BICC1: variants seen among roughly 807,000 people sequenced by gnomAD.
The protein encoded by BICC1 is protein bicaudal C homolog 1.
BICC1 carries 43 observed loss-of-function variants against 111.0 expected under a neutral mutation model. The ratio of observed to expected loss-of-function variants is 0.39; its 90% CI spans 0.30 to 0.50. BICC1 has a LOEUF of 0.50. BICC1 is among the 20% of genes least tolerant of loss of function. The pLI is 0.88. For missense variants in BICC1, 1,091 were observed against 1,203.2 expected, an observed-to-expected ratio of 0.91 and a Z score of 1.38; for synonymous variants, 467 against 434.4, an observed-to-expected ratio of 1.07 and a Z score of -0.93.
chr10:58,542,940 A>G (rs1036813829), intron 1 of BICC1, among the ~76,000 whole-genome samples: 2 of 152,128 alleles, frequency 1.3e-5, no homozygotes, highest in Non-Finnish European at 2.9e-5. Context: ...AAGTGATGCC[A>G]CTAGGGAAAA....
chr10:58,791,335 AT>A (rs1438962902), intron 8 of BICC1, among the ~76,000 whole-genome samples: 2 of 152,244 alleles, frequency 1.3e-5, no homozygotes, highest in Admixed American at 1.3e-4. Context: ...CCTGCCAAAA[AT>A]AATGACTCAT....
At chr10:58,602,885 A>G (rs1359279488) in intron 1 of BICC1, among the ~76,000 whole-genome samples, 2 of 152,176 alleles carry the variant, frequency 1.3e-5, no homozygotes, top group Non-Finnish European at 2.9e-5. Context: ...TTGCATGTCC[A>G]CACTTACTCC....
At chr10:58,767,542 C>T (rs1437581704) in intron 3 of BICC1, among the ~76,000 whole-genome samples, 1 of 152,050 alleles carries the variant, frequency 6.6e-6, no homozygotes, top group African/African-American at 2.4e-5. Flanking sequence ...AACCCGACAC[C>T]AGCAAAAGAA....
chr10:58,777,252 T>G (rs1225254725), intron 3 of BICC1, among the ~76,000 whole-genome samples: 1 of 152,016 alleles, frequency 6.6e-6, no homozygotes, highest in Admixed American at 6.6e-5. Flanking sequence ...CACAGTGGAA[T>G]CTTAACACAA....
chr10:58,705,221 GT>G (rs1840354810), intron 3 of BICC1, among the ~76,000 whole-genome samples: 1 of 152,176 alleles, frequency 6.6e-6, no homozygotes, highest in African/African-American at 2.4e-5. Flanking sequence ...GTCAGACTGA[GT>G]TTGGGAAACA....
intron 2 of BICC1, among the ~76,000 whole-genome samples, chr10:58,697,849 C>T (rs953883635): frequency 6.6e-6 from 1 of 151,976 alleles, no homozygotes; most frequent in Non-Finnish European, 1.5e-5. Context: ...ATGCAATAAT[C>T]TAGCTCCAGT....
intron 1 of BICC1, among the ~76,000 whole-genome samples, chr10:58,551,333 CA>C (rs1286617984): frequency 6.6e-6 from 1 of 152,010 alleles, no homozygotes; most frequent in African/African-American, 2.4e-5. Flanking sequence ...CTTTAAGCTG[CA>C]AAACTTTTAT....
chr10:58,571,665 G>A (rs1305806333), intron 1 of BICC1, among the ~76,000 whole-genome samples: 1 of 152,102 alleles, frequency 6.6e-6, no homozygotes, highest in African/African-American at 2.4e-5. Flanking sequence ...CAAAAGACAT[G>A]ATCTCATTCC....
At chr10:58,777,956 A>C (rs923939132) in intron 3 of BICC1, among the ~76,000 whole-genome samples, 1 of 152,094 alleles carries the variant, frequency 6.6e-6, no homozygotes. Flanking sequence ...GTGGTAGCTC[A>C]TGCCTGTAAT....
At chr10:58,539,266 C>A (rs1158078387) in intron 1 of BICC1, among the ~76,000 whole-genome samples, 1 of 151,646 alleles carries the variant, frequency 6.6e-6, no homozygotes, top group Non-Finnish European at 1.5e-5. Flanking sequence ...GGCTATTATT[C>A]TAAGTGAAGT....
chr10:58,695,395 T>G (rs921861039), intron 2 of BICC1, among the ~76,000 whole-genome samples: 2 of 152,170 alleles, frequency 1.3e-5, no homozygotes, highest in African/African-American at 4.8e-5. Context: ...CAGACCTTAT[T>G]TCTCTATTAA....
At chr10:58,753,038 G>T (rs1239816523) in intron 3 of BICC1, among the ~76,000 whole-genome samples, 1 of 152,192 alleles carries the variant, frequency 6.6e-6, no homozygotes, top group African/African-American at 2.4e-5. Flanking sequence ...TTGAAGGGCT[G>T]CAGGGTGTTC....
intron 3 of BICC1, among the ~76,000 whole-genome samples, chr10:58,759,184 T>C (rs976858139): frequency 1.2e-4 from 18 of 152,018 alleles, no homozygotes; most frequent in Admixed American, 1.1e-3. Context: ...GGTCTCGAAC[T>C]CCTGACCTCA....
At chr10:58,728,895 CTT>C (rs527952530) in intron 3 of BICC1, among the ~76,000 whole-genome samples, 2 of 151,888 alleles carry the variant, frequency 1.3e-5, no homozygotes, top group Non-Finnish European at 2.9e-5. Flanking sequence ...AAAAAGGAAT[CTT>C]TTTTTTCTGA....
intron 2 of BICC1, among the ~76,000 whole-genome samples, chr10:58,696,876 A>G (rs562267124): frequency 1.3e-5 from 2 of 152,320 alleles, no homozygotes; most frequent in South Asian, 2.1e-4. Flanking sequence ...AACAGGGACA[A>G]TAGTAAGATT....
In BICC1 at chr10:58,800,695, C is replaced by T. The variant is rs551640918; in HGVS notation, c.1859-195C>T. Among the ~76,000 whole-genome samples the T allele has an allele frequency of 9.9e-5, 15 of 152,028 alleles. 1 individual carries two copies. Among genetic ancestry groups the T allele is most frequent in the African/African-American group, 2.4e-4 (10 of 41,408 alleles). On this transcript the variant is annotated intron_variant, in intron 13 of 20. Coordinates refer to ENST00000373886, the MANE Select transcript of BICC1 (RefSeq NM_001080512.3). Reference sequence around the variant, plus strand: ...CCCCACCAAATCTTTAAAATATATGCGGGTCTTCTCTTCAAATTGAGTTTT... The same window carrying T: ...CCCCACCAAATCTTTAAAATATATGTGGGTCTTCTCTTCAAATTGAGTTTT...
chr10:58,532,179 T>C (rs1306113363), intron 1 of BICC1, among the ~76,000 whole-genome samples: 1 of 151,714 alleles, frequency 6.6e-6, no homozygotes, highest in Admixed American at 6.6e-5. Flanking sequence ...AGAAAGGCAA[T>C]GTGGTATATA....
At chr10:58,640,823 C>T (rs1400316001) in intron 2 of BICC1, among the ~76,000 whole-genome samples, 3 of 152,136 alleles carry the variant, frequency 2.0e-5, no homozygotes, top group African/African-American at 7.2e-5. Flanking sequence ...TTGGAAGGGA[C>T]CTATTACATG....
chr10:58,619,534 G>A (rs919879602), intron 1 of BICC1, among the ~76,000 whole-genome samples: 2 of 148,588 alleles, frequency 1.3e-5, no homozygotes, highest in African/African-American at 5.0e-5. Context: ...GAGTGCAGTG[G>A]TGCAATCTCG....
Sources: gnomAD v4.1 joint callset for allele counts (sites outside exome capture counted in the v4.1 genomes callset) on GRCh38, gnomAD v4.1.1 for gene constraint, MANE v1.5 for transcripts, NCBI Gene and HGNC (gene_info 2026-07-23, HGNC 2026-07-21) for gene names.